Variants in GRM6 observed in about 807,000 individuals in gnomAD.
The protein encoded by GRM6 is glutamate metabotropic receptor 6.
Under a neutral mutation model 78.4 loss-of-function variants are expected in GRM6, and 73 were observed. The observed-to-expected ratio is 0.93, with a 90% confidence interval of 0.77 to 1.13. The LOEUF is 1.13. GRM6 is among the 50% of genes most tolerant of loss of function. GRM6 has a pLI of 0.00. For synonymous variants in GRM6, 580 were observed against 555.0 expected (o/e 1.05, Z -0.63); for missense variants, 1,251 against 1,256.4 (o/e 1.00, Z 0.07).
chr5:178,985,095 C>T (rs1349524117), intron 9 of GRM6, among the ~76,000 whole-genome samples: 2 of 152,282 alleles, frequency 1.3e-5, no homozygotes, highest in East Asian at 3.9e-4. Context: ...GAATTCGATG[C>T]TCTTCCACAG....
intron 1 of GRM6, 27 bp from the exon 2 acceptor site, chr5:178,994,987 C>T (rs1284380897): frequency 9.0e-6 from 10 of 1,116,240 alleles, no homozygotes; most frequent in African/African-American, 1.7e-5. Context: ...GGGCGGGGAG[C>T]GCTCTGAGGG....
Position 178,994,956 on chromosome 5 carries a change from GC to G in GRM6, c.-13del. 8.6e-7 allele frequency: 1 copy of G among 1,163,584 alleles called. No individual in the cohort carries two copies. Among genetic ancestry groups the G allele is most frequent in the Non-Finnish European group, 1.1e-6 (1 of 943,688 alleles). 72.1% of individuals were successfully genotyped at this position (1,163,584 alleles called of 1,614,324 possible). A position where few individuals can be genotyped will look rare whatever the true frequency, so the allele number is the denominator to read the frequency against. ...CGGGGCCGCGCCATCGGCTCGTCTA[GC>G]GGGCTGCGGGGAGACAGAGGGGCGG... On this transcript the variant is annotated 5_prime_UTR_variant, in exon 2 of 11. Coordinates refer to ENST00000517717, the MANE Select transcript of GRM6 (RefSeq NM_000843.4).
In GRM6 at chr5:178,986,541, G is replaced by A; in HGVS notation, c.1713C>T (p.Cys571=). 1 of 1,607,580 alleles carries A rather than the reference G, an allele frequency of 6.2e-7. No homozygotes were observed. The highest frequency in any genetic ancestry group is 8.5e-7 in the Non-Finnish European group (1 of 1,178,470). Residue 571 remains cysteine, a synonymous_variant, in exon 9 of 11, where the codon TGC becomes TGT. Coordinates refer to ENST00000517717, the MANE Select transcript of GRM6 (RefSeq NM_000843.4). ...DMRPTPNHTG[C]RPTPVVRLSW... ...TCAGGCGCACCACAGGTGTGGGGCGGCAGCCCGTGTGGTTGGGCGTGGGCC... is the reference window on the plus strand; with the variant it reads ...TCAGGCGCACCACAGGTGTGGGGCGACAGCCCGTGTGGTTGGGCGTGGGCC...
intron 9 of GRM6, among the ~76,000 whole-genome samples, chr5:178,984,562 G>A (rs889664834): frequency 6.6e-6 from 1 of 152,184 alleles, no homozygotes; most frequent in Admixed American, 6.5e-5. Context: ...TGAGGCTGGG[G>A]AGGAGAGCTG....
At position 178,992,098 on chromosome 5, in the gene GRM6, G is replaced by A; in HGVS notation, c.505-15C>T. 6.3e-7 allele frequency: 1 copy of A among 1,593,508 alleles called. No homozygotes were observed. On this transcript the variant is annotated splice_polypyrimidine_tract_variant and intron_variant, in intron 2 of 10. Coordinates refer to ENST00000517717, the MANE Select transcript of GRM6 (RefSeq NM_000843.4). The surrounding 1 kb of genome is among the most constrained non-coding windows in gnomAD (Gnocchi z 4.9). ...ATCTGGGGTATCTGTGGGGCAGGAA[G>A]GACAGCTGGGCTGTGGATGGAGGTC...
rs199833388 is a variant in GRM6 at position 178,990,710 on chromosome 5, G to C, written c.894C>G (p.Thr298=). 8.2e-6 allele frequency: 13 copies of C among 1,587,314 alleles called. No homozygotes were observed. Among genetic ancestry groups the C allele is most frequent in the Non-Finnish European group, 1.1e-5 (13 of 1,167,914 alleles). ...VLEAARQANL[T]GHFLWVGSDS... ...CTGAGCCGACCCACAGGAAGTGGCCGGTCAGGTTGGCCTGGCGAGCTGCCT... is the reference window on the plus strand; with the variant it reads ...CTGAGCCGACCCACAGGAAGTGGCCCGTCAGGTTGGCCTGGCGAGCTGCCT... The change falls in exon 5 of 11, where the codon ACC becomes ACG. Residue 298 remains threonine (T), a synonymous_variant. Transcript: ENST00000517717.
At chr5:178,986,107 C>A (rs1016047505) in intron 9 of GRM6, 23 bp downstream of exon 9, 6 of 1,607,910 alleles carry the variant, frequency 3.7e-6, no homozygotes, top group Non-Finnish European at 4.2e-6. Context: ...CCTGCCCTGG[C>A]CCTTGGGAGC....
Position 178,988,768 on chromosome 5 carries a change from T to C in GRM6, c.1354+167A>G, listed in dbSNP as rs914951464. 3.9e-5 allele frequency among the ~76,000 whole-genome samples: 6 copies of C among 152,184 alleles called. No individual in the cohort carries two copies. The highest frequency in any genetic ancestry group is 4.1e-4 in the South Asian group (2 of 4,824). On this transcript the variant is annotated intron_variant, in intron 7 of 10. Coordinates refer to ENST00000517717, the MANE Select transcript of GRM6 (RefSeq NM_000843.4). This position sits in a 1 kb window ranked among gnomAD's most constrained non-coding sequence, Gnocchi z 6.0. ...CCTGGGGAGGGAGCAGTGTTAAAAATTGGGGACCGGAACTTGTCTCATGTC... is the reference window on the plus strand; with the variant it reads ...CCTGGGGAGGGAGCAGTGTTAAAAACTGGGGACCGGAACTTGTCTCATGTC...
rs373757775 is a variant in GRM6 at position 178,981,794 on chromosome 5, C to T, written c.2497G>A (p.Gly833Ser). The change falls in exon 11 of 11, where the codon GGC becomes AGC. Residue 833 changes from glycine to serine, a missense_variant. Physicochemically the swap from Gly to Ser is moderately conservative, Grantham distance 56. Transcript: ENST00000517717. This position sits in a 1 kb window ranked among gnomAD's most constrained non-coding sequence, Gnocchi z 5.1. Reference protein sequence around the residue: ...SLSLSASVSLGMLYVPKTYVI... With the variant: ...SLSLSASVSLSMLYVPKTYVI... ...TAGGTTTTGGGTACGTAGAGCATGC[C>T]GAGGGACACCGAGGCACTCAGGCTC... 2.5e-6 allele frequency: 4 copies of T among 1,612,658 alleles called. No homozygotes were observed. Among genetic ancestry groups the T allele is most frequent in the Admixed American group, 1.7e-5 (1 of 60,024 alleles).
Position 178,981,702 on chromosome 5 carries a change from C to T in GRM6, c.2589G>A (p.Thr863=), listed in dbSNP as rs778251462. ...CCTCGCCCTTGGGTGGGGCTGCCAC[C>T]GTGGAGGTGGCCTTGAGGCTCCGCT... ...KRKRSLKATS[T]VAAPPKGEDA... Residue 863 remains threonine, a synonymous_variant, in exon 11 of 11, where the codon ACG becomes ACA. Transcript: ENST00000517717. The surrounding 1 kb of genome is among the most constrained non-coding windows in gnomAD (Gnocchi z 5.1). 35 of 1,613,996 alleles carry T rather than the reference C, an allele frequency of 2.2e-5. No individual in the cohort carries two copies. Among genetic ancestry groups the T allele is most frequent in the African/African-American group, 4.0e-5 (3 of 74,924 alleles).
intron 9 of GRM6, chr5:178,985,916 C>A (rs960884828): frequency 3.4e-6 from 2 of 590,616 alleles, no homozygotes. Context: ...CACGCACCAC[C>A]ATGCCTGGCT....
At chr5:178,989,940 T>A (rs76009363) in intron 5 of GRM6, 23,349 of 211,458 alleles carry the variant, frequency 0.11, 1,688 homozygotes, top group Non-Finnish European at 0.15. Flanking sequence ...TGTCTTGTGA[T>A]GAGATGCCTT....
chr5:178,983,913 C>T (rs75261877), intron 9 of GRM6, among the ~76,000 whole-genome samples: 5,752 of 152,222 alleles, frequency 0.038, 214 homozygotes, highest in East Asian at 0.15. Context: ...TGTACGAGAG[C>T]GCCTGATTGG....
rs567822369 is a variant in GRM6, at chr5:178,980,075, A to G, written c.*1582T>C. ...CAACAGAAATGTTTCTCAGAGGAGA[A>G]GCTTTTAAGTTAATTACTTAAAACC... On this transcript the variant is annotated 3_prime_UTR_variant, in exon 11 of 11. Transcript: ENST00000517717. This position sits in a 1 kb window ranked among gnomAD's most constrained non-coding sequence, Gnocchi z 4.3. 1 of 154,540 alleles carries G rather than the reference A, an allele frequency of 6.5e-6. No homozygotes were observed. Among genetic ancestry groups the G allele is most frequent in the Non-Finnish European group, 1.5e-5 (1 of 68,218 alleles). The allele number at this position is 154,540 out of a possible 1,614,324, so 9.6% of individuals were successfully genotyped here. A position where few individuals can be genotyped will look rare whatever the true frequency, so the allele number is the denominator to read the frequency against.
chr5:178,994,311 G>C (rs1377408457), intron 2 of GRM6, 130 bp downstream of exon 2: 1 of 782,196 alleles, frequency 1.3e-6, no homozygotes, highest in East Asian at 3.5e-5. Flanking sequence ...GGGCTTCTTT[G>C]ACGCTGTGTG....
Position 178,979,006 on chromosome 5 carries a change from C to T in GRM6, c.*2651G>A, listed in dbSNP as rs796084034. On this transcript the variant is annotated 3_prime_UTR_variant, in exon 11 of 11. Transcript: ENST00000517717. ...ATGGCTCACGTTTGTAATCCGAACA[C>T]TTTGGGAGGTGGAGGCAGGAGGATC... 6.6e-6 allele frequency: 1 copy of T among 152,420 alleles called. No individual in the cohort carries two copies. The highest frequency in any genetic ancestry group is 2.4e-5 in the African/African-American group (1 of 41,560). 9.4% of individuals were successfully genotyped at this position (152,420 alleles called of 1,614,324 possible).
In GRM6 at chr5:178,989,364, G is replaced by A. The variant is rs754475848; in HGVS notation, c.1054C>T (p.Arg352Cys). 51 of 1,613,664 alleles carry A rather than the reference G, an allele frequency of 3.2e-5. No individual in the cohort carries two copies. Among genetic ancestry groups the A allele is most frequent in the Non-Finnish European group, 3.9e-5 (46 of 1,179,680 alleles). Residue 352 changes from arginine (R) to cysteine (C), a missense_variant, in exon 6 of 11, where the codon CGC becomes TGC. Arg to Cys is a radical substitution (Grantham distance 180). Coordinates refer to ENST00000517717, the MANE Select transcript of GRM6 (RefSeq NM_000843.4). ...AACTCGGCGAACCAGATGTTCCTGC[G>A]GTTGTTCTCCAGGGATCGAGTCATG... is the stretch of plus-strand genomic sequence containing the variant. ...YFMTRSLENN[R>C]RNIWFAEFWE...
chr5:178,992,114 G>T lies in GRM6; in HGVS notation c.505-31C>A. 1 of 1,506,084 alleles carries T rather than the reference G, an allele frequency of 6.6e-7. No homozygotes were observed. Among genetic ancestry groups the T allele is most frequent in the Admixed American group, 1.7e-5 (1 of 59,040 alleles). The allele number at this position is 1,506,084 out of a possible 1,614,324, so 93.3% of individuals were successfully genotyped here. A position where few individuals can be genotyped will look rare whatever the true frequency, so the allele number is the denominator to read the frequency against. On this transcript the variant is annotated intron_variant, in intron 2 of 10. Transcript: ENST00000517717. The surrounding 1 kb of genome is among the most constrained non-coding windows in gnomAD (Gnocchi z 4.9). ...GGGCAGGAAGGACAGCTGGGCTGTG[G>T]ATGGAGGTCAGTAACTCAAGAGAGG...
rs199591107 is a variant in GRM6 at position 178,986,204 on chromosome 5, G to A, written c.2050C>T (p.Arg684Cys). The change falls in exon 9 of 11, where the codon CGC becomes TGC. Residue 684 changes from arginine to cysteine, a missense_variant. Physicochemically the swap from Arg to Cys is radical, Grantham distance 180. Coordinates refer to ENST00000517717, the MANE Select transcript of GRM6 (RefSeq NM_000843.4). ...ATGAAGGGAGGGGGTGTGACCGAGC[G>A]CTTGCCCTGCTCAAAGATGCGGTAG... ...RIYRIFEQGK[R>C]SVTPPPFISP... 431 of 1,613,966 alleles carry A rather than the reference G, an allele frequency of 2.7e-4. No homozygotes were observed. Among genetic ancestry groups the A allele is most frequent in the Middle Eastern group, 4.9e-4 (3 of 6,076 alleles).
Sources: allele counts gnomAD v4.1 joint callset (sites outside exome capture counted in the v4.1 genomes callset), GRCh38; gene constraint gnomAD v4.1.1; non-coding constraint Gnocchi (gnomAD v3.1); transcripts MANE v1.5; gene names NCBI Gene and HGNC (gene_info 2026-07-23, HGNC 2026-07-21).